Variants in MARK3 observed in about 807,000 individuals in gnomAD.
MARK3 encodes the protein microtubule affinity regulating kinase 3.
In MARK3, 46 loss-of-function variants were observed where a neutral mutation model predicts 90.1. The ratio of observed to expected loss-of-function variants is 0.51; its 90% CI spans 0.40 to 0.65. The LOEUF (loss-of-function observed/expected upper bound fraction) is 0.65. Among genes scored for constraint, MARK3 ranks in the 30% least tolerant of loss-of-function variants. The pLI is 0.00. For synonymous variants in MARK3, 321 were observed against 332.6 expected (o/e 0.97, Z 0.38); for missense variants, 818 against 947.2 (o/e 0.86, Z 1.79).
rs71126012 is a variant in MARK3 at position 103,391,709 on chromosome 14, ATTTTTTTT to A, written c.51+5650_51+5657del. Among the ~76,000 whole-genome samples the A allele has an allele frequency of 1.5e-3, 103 of 69,694 alleles. 1 individual carries two copies. The highest frequency in any genetic ancestry group is 6.9e-3 in the Admixed American group (40 of 5,798). 45.7% of individuals were successfully genotyped at this position (69,694 alleles called of 152,430 possible). A position where few individuals can be genotyped will look rare whatever the true frequency, so the allele number is the denominator to read the frequency against. On this transcript the variant is annotated intron_variant, in intron 1 of 17. Transcript: ENST00000429436. The stretch of plus-strand genomic sequence containing the variant: ...CAGGCTCCCGCCACCATGCCTGGCT[ATTTTTTTT>A]TTTTTTTTTTTTTTTTTTTTAGTAG...
rs748686082 is a variant in MARK3 at position 103,503,485 on chromosome 14, C to T, written c.*258C>T. ...GGTGTGTGGCCCCATCTCCATGTGCCTCCCGTCTGGGTGGGTGTGAGAGTG... is the reference window on the plus strand; with the variant it reads ...GGTGTGTGGCCCCATCTCCATGTGCTTCCCGTCTGGGTGGGTGTGAGAGTG... On this transcript the variant is annotated 3_prime_UTR_variant, in exon 18 of 18. Coordinates refer to ENST00000429436, the MANE Select transcript of MARK3 (RefSeq NM_001128918.3). 7.9e-5 allele frequency: 39 copies of T among 490,610 alleles called. No homozygotes were observed. In the Admixed American group the frequency reaches 1.2e-3, roughly 15 times the overall value. The allele number at this position is 490,610 out of a possible 1,614,324, so 30.4% of individuals were successfully genotyped here. A position where few individuals can be genotyped will look rare whatever the true frequency, so the allele number is the denominator to read the frequency against.
chr14:103,397,469 G>T (rs1261854078), intron 1 of MARK3, among the ~76,000 whole-genome samples: 1 of 151,900 alleles, frequency 6.6e-6, no homozygotes. Flanking sequence ...TGGGACTACA[G>T]GCACCCGCCA....
Position 103,491,792 on chromosome 14 carries a change from G to GAGA in MARK3, c.1604_1606dup (p.Arg535dup). 2 of 1,614,104 alleles carry GAGA rather than the reference G, an allele frequency of 1.2e-6. No individual in the cohort carries two copies. Among genetic ancestry groups the GAGA allele is most frequent in the Non-Finnish European group, 1.7e-6 (2 of 1,180,022 alleles). ...GATCTCATAGCACTATTCCTGATCA[G>GAGA]AGAACTCCAGTTGCTTCAACACACA... is the stretch of plus-strand genomic sequence containing the variant. On this transcript the variant is annotated inframe_insertion, in exon 15 of 18. Transcript: ENST00000429436.
chr14:103,414,299 A>C (rs1026178615), intron 2 of MARK3, among the ~76,000 whole-genome samples: 1 of 150,856 alleles, frequency 6.6e-6, no homozygotes, highest in African/African-American at 2.4e-5. Flanking sequence ...TCCACCTCCC[A>C]GGTTCAAGCG....
chr14:103,397,965 T>G (rs1242871317), intron 1 of MARK3, among the ~76,000 whole-genome samples: 3 of 152,222 alleles, frequency 2.0e-5, no homozygotes, highest in African/African-American at 7.2e-5. Flanking sequence ...GTGTTTAGTA[T>G]GTGTATGTGT....
chr14:103,461,271 C>T (rs1242169400), intron 6 of MARK3, among the ~76,000 whole-genome samples: 1 of 152,166 alleles, frequency 6.6e-6, no homozygotes, highest in Non-Finnish European at 1.5e-5. Flanking sequence ...AGACATGTTA[C>T]CTCTGCTTAG....
intron 15 of MARK3, among the ~76,000 whole-genome samples, chr14:103,493,280 G>A (rs1313873996): frequency 1.5e-4 from 17 of 112,794 alleles, no homozygotes; most frequent in Middle Eastern, 6.1e-3. Flanking sequence ...TTTTTGAGAC[G>A]GAGTCTCACT....
chr14:103,422,351 A>G (rs768667156), intron 2 of MARK3, among the ~76,000 whole-genome samples: 1 of 152,342 alleles, frequency 6.6e-6, no homozygotes, highest in Non-Finnish European at 1.5e-5. Flanking sequence ...GCTACTTGAG[A>G]GGCTGAGACA....
At chr14:103,440,924 G>A (rs1401048222) in intron 3 of MARK3, among the ~76,000 whole-genome samples, 4 of 144,730 alleles carry the variant, frequency 2.8e-5, no homozygotes, top group African/African-American at 1.0e-4. Flanking sequence ...TAACAGAGCA[G>A]GAGCCCCTCT....
At chr14:103,494,961 T>C (rs1435495123) in intron 15 of MARK3, among the ~76,000 whole-genome samples, 2 of 152,246 alleles carry the variant, frequency 1.3e-5, no homozygotes, top group Non-Finnish European at 2.9e-5. Flanking sequence ...TACAGTCATA[T>C]TCATTTTATA....
chr14:103,406,228 G>T (rs2140711560), intron 2 of MARK3, among the ~76,000 whole-genome samples: 1 of 150,990 alleles, frequency 6.6e-6, no homozygotes. Flanking sequence ...GGGGTTAGGG[G>T]GGTGTCGGGG....
chr14:103,459,134 T>C (rs1387815276), intron 6 of MARK3, among the ~76,000 whole-genome samples: 1 of 152,216 alleles, frequency 6.6e-6, no homozygotes, highest in Non-Finnish European at 1.5e-5. Flanking sequence ...TTTTGCTTCA[T>C]ACAATTTACA....
chr14:103,408,705 C>T (rs182395878), intron 2 of MARK3, among the ~76,000 whole-genome samples: 129 of 152,222 alleles, frequency 8.5e-4, no homozygotes, highest in Non-Finnish European at 1.3e-3. Context: ...ATTTTCATTT[C>T]CTGTGTGTGC....
At chr14:103,481,629 C>G (rs765836182) in intron 14 of MARK3, among the ~76,000 whole-genome samples, 16 of 54,144 alleles carry the variant, frequency 3.0e-4, no homozygotes, top group Non-Finnish European at 5.5e-4. Context: ...CTCTTGTTCT[C>G]TTTTATGACT....
chr14:103,396,232 C>T (rs145853239), intron 1 of MARK3, among the ~76,000 whole-genome samples: 5 of 152,266 alleles, frequency 3.3e-5, no homozygotes, highest in African/African-American at 1.2e-4. Flanking sequence ...TTCACTCACA[C>T]TTCTAGAGGT....
chr14:103,434,834 G>A (rs536541194), intron 3 of MARK3, among the ~76,000 whole-genome samples: 4 of 152,204 alleles, frequency 2.6e-5, no homozygotes, highest in Non-Finnish European at 5.9e-5. Flanking sequence ...TTTTAGCAGC[G>A]TTTTTTGCTT....
At chr14:103,471,767 G>GATTC (rs139838405) in intron 12 of MARK3, among the ~76,000 whole-genome samples, 1 of 4,004 alleles carries the variant, frequency 2.5e-4, no homozygotes, top group African/African-American at 3.2e-4. Context: ...ATTTTCAAGG[G>GATTC]GTTAGCTTGT....
In MARK3 at chr14:103,386,831, G is replaced by T. The variant is rs556182615; in HGVS notation, c.51+751G>T. 4.6e-5 allele frequency among the ~76,000 whole-genome samples: 7 copies of T among 152,286 alleles called. No individual in the cohort carries two copies. The South Asian group carries it at 1.5e-3, about 32-fold the overall frequency. ...GATGAGCTCTTAGGTCCCTTTCAGC[G>T]CTCACAGGCTATGGTTTTATAAAAG... On this transcript the variant is annotated intron_variant, in intron 1 of 17. Coordinates refer to ENST00000429436, the MANE Select transcript of MARK3 (RefSeq NM_001128918.3).
At chr14:103,419,963 G>A (rs1467805281) in intron 2 of MARK3, among the ~76,000 whole-genome samples, 1 of 150,314 alleles carries the variant, frequency 6.7e-6, no homozygotes, top group Non-Finnish European at 1.5e-5. Flanking sequence ...GCCACTGCCT[G>A]GGGAACATAG....
Sources: allele counts gnomAD v4.1 joint callset (sites outside exome capture counted in the v4.1 genomes callset), GRCh38; gene constraint gnomAD v4.1.1; transcripts MANE v1.5; gene names NCBI Gene and HGNC (gene_info 2026-07-23, HGNC 2026-07-21).